The following USP28 variants were observed in gnomAD, a reference collection of about 807,000 sequenced individuals.
USP28 encodes the protein ubiquitin carboxyl-terminal hydrolase 28.
A neutral mutation model predicts 145.0 loss-of-function variants in USP28; 113 were observed. The ratio of observed to expected loss-of-function variants is 0.78; its 90% CI spans 0.67 to 0.91. The LOEUF (loss-of-function observed/expected upper bound fraction) is 0.91, where lower values mean the gene tolerates loss of function less well. USP28 is among the 40% of genes least tolerant of loss of function. The probability of loss-of-function intolerance (pLI) is 0.00; values close to 1 mark genes in which losing one functional copy is unlikely to be tolerated. For missense variants in USP28, 1,201 were observed against 1,289.6 expected (o/e 0.93, Z 1.05); for synonymous variants, 447 against 450.9 (o/e 0.99, Z 0.11).
At chr11:113,831,763 C>T (rs1367276753) in intron 8 of USP28, among the ~76,000 whole-genome samples, 157 bp downstream of exon 8, 1 of 151,408 alleles carries the variant, frequency 6.6e-6, no homozygotes, top group African/African-American at 2.4e-5. Context: ...AAGCTGAAGG[C>T]GACAGGGATA....
rs774676046 is a variant in USP28 at position 113,844,062 on chromosome 11, G to A, written c.269-2294C>T. 3.9e-5 allele frequency among the ~76,000 whole-genome samples: 6 copies of A among 152,142 alleles called. No homozygotes were observed. In the East Asian group the frequency reaches 7.7e-4, roughly 20 times the overall value. ...TCTTCATGACCTTAGATTAGGCAAC[G>A]GAATCTTAGATGACATCCAGAGCAT... On this transcript the variant is annotated intron_variant, in intron 3 of 24. Coordinates refer to ENST00000003302, the Ensembl canonical transcript of USP28.
Position 113,823,736 on chromosome 11 carries a change from T to C in USP28, c.1188-36A>G, listed in dbSNP as rs369224047. 2.0e-6 allele frequency: 3 copies of C among 1,497,230 alleles called. No homozygotes were observed. In the African/African-American group the frequency reaches 4.3e-5, roughly 21 times the overall value. 92.7% of individuals were successfully genotyped at this position (1,497,230 alleles called of 1,614,324 possible). On this transcript the variant is annotated intron_variant, in intron 11 of 24. Coordinates refer to ENST00000003302, the Ensembl canonical transcript of USP28. ...AATCCCACAAACACAATTTATATTA[T>C]AAAACATTAATGACATAAAGTCTCA...
intron 1 of USP28, among the ~76,000 whole-genome samples, chr11:113,870,870 C>CT (rs1012262698): frequency 2.6e-5 from 4 of 152,100 alleles, no homozygotes; most frequent in Non-Finnish European, 4.4e-5. Flanking sequence ...GGGTTAGAAA[C>CT]TTTGTTCCAA....
intron 1 of USP28, among the ~76,000 whole-genome samples, chr11:113,861,461 TAA>T (rs1001265584): frequency 2.6e-5 from 4 of 152,336 alleles, no homozygotes; most frequent in East Asian, 3.9e-4. Context: ...TAAAAACCAT[TAA>T]AAGTGTTTAA....
chr11:113,838,750 G>A (rs187788045), intron 5 of USP28, among the ~76,000 whole-genome samples: 13 of 152,236 alleles, frequency 8.5e-5, no homozygotes, highest in African/African-American at 2.6e-4. Context: ...CTCATGTTTT[G>A]TTTACTGTCT....
At chr11:113,873,867 GCGC>G (rs1244547728) in intron 1 of USP28, among the ~76,000 whole-genome samples, 1 of 152,232 alleles carries the variant, frequency 6.6e-6, no homozygotes, top group Non-Finnish European at 1.5e-5. Context: ...TCCAGGCTGG[GCGC>G]CCTGGTTCAC....
intron 19 of USP28, among the ~76,000 whole-genome samples, chr11:113,806,087 CCCAG>C (rs1939903642): frequency 7.6e-6 from 1 of 131,874 alleles, no homozygotes; most frequent in South Asian, 2.8e-4. Flanking sequence ...TGCTACCATG[CCCAG>C]CTAATTAAAA....
rs187384922 is a variant in USP28 at position 113,850,277 on chromosome 11, G to A, written c.268+2224C>T. 1.1e-3 allele frequency among the ~76,000 whole-genome samples: 160 copies of A among 152,030 alleles called. 2 individuals carry two copies. Among genetic ancestry groups the A allele is most frequent in the Middle Eastern group, 0.01 (3 of 294 alleles). ...AGATATATACACTAAAAAAACTCTCGCATACAAGGACAAGCAGCATGAATC... is the reference window on the plus strand; with the variant it reads ...AGATATATACACTAAAAAAACTCTCACATACAAGGACAAGCAGCATGAATC... On this transcript the variant is annotated intron_variant, in intron 3 of 24. Transcript: ENST00000003302.
At chr11:113,808,581 G>C in intron 17 of USP28, 144 bp from the exon 18 acceptor site, 1 of 822,010 alleles carries the variant, frequency 1.2e-6, no homozygotes. Context: ...ATTTTCCCTA[G>C]AAATTAATAA....
At chr11:113,850,602 A>C (rs1332640214) in intron 3 of USP28, among the ~76,000 whole-genome samples, 1 of 152,160 alleles carries the variant, frequency 6.6e-6, no homozygotes, top group Admixed American at 6.5e-5. Context: ...TTCCTCCCAG[A>C]AGGTTCCAGA....
intron 1 of USP28, among the ~76,000 whole-genome samples, chr11:113,872,385 G>A (rs1489591175): frequency 6.6e-6 from 1 of 152,082 alleles, no homozygotes; most frequent in Non-Finnish European, 1.5e-5. Context: ...TACTCAGGAG[G>A]CTGAGGCTGG....
intron 1 of USP28, among the ~76,000 whole-genome samples, chr11:113,867,033 C>T (rs1229206962): frequency 6.6e-6 from 1 of 152,008 alleles, no homozygotes; most frequent in Non-Finnish European, 1.5e-5. Context: ...ACAGATGCCA[C>T]ACATAATAGG....
chr11:113,813,841 A>G (rs1361685479), intron 15 of USP28, 44 bp downstream of exon 15: 2 of 1,502,870 alleles, frequency 1.3e-6, no homozygotes, highest in Non-Finnish European at 9.2e-7. Context: ...TGTATCTACC[A>G]TTAGCACATG....
rs1404868822 is a variant in USP28 at position 113,829,829 on chromosome 11, A to G, written c.911-484T>C. On this transcript the variant is annotated intron_variant, in intron 9 of 24. Transcript: ENST00000003302. ...AACAGAGCAAGGACTTGTCTCAAAA[A>G]AAAAAAAAAAAAAAAAATGCAAAGA... Among the ~76,000 whole-genome samples, 55 of 148,598 alleles carry G rather than the reference A, an allele frequency of 3.7e-4. 3 individuals are homozygous for G. The highest frequency in any genetic ancestry group is 1.3e-4 in the Non-Finnish European group (9 of 67,632).
chr11:113,860,716 G>A (rs999815502), intron 1 of USP28, among the ~76,000 whole-genome samples: 2 of 152,062 alleles, frequency 1.3e-5, no homozygotes, highest in Non-Finnish European at 2.9e-5. Flanking sequence ...CTACTCGGGA[G>A]GCTGAGGCAG....
chr11:113,835,628 C>T (rs1944478311), intron 5 of USP28, among the ~76,000 whole-genome samples: 1 of 152,238 alleles, frequency 6.6e-6, no homozygotes. Context: ...TTCTCTTCCA[C>T]CTCACCTGTC....
intron 16 of USP28, among the ~76,000 whole-genome samples, chr11:113,811,986 G>A (rs577487838): frequency 6.6e-6 from 1 of 152,134 alleles, no homozygotes; most frequent in Admixed American, 6.6e-5. Context: ...AAAAGGGGGA[G>A]GGGAAGATAC....
chr11:113,823,979 T>C (rs1943001175), intron 11 of USP28, among the ~76,000 whole-genome samples: 1 of 152,072 alleles, frequency 6.6e-6, no homozygotes, highest in South Asian at 2.1e-4. Flanking sequence ...TAGTAAAGAA[T>C]GAAGTAAAGC....
intron 1 of USP28, chr11:113,874,783 CCTT>C: frequency 8.9e-7 from 1 of 1,121,606 alleles, no homozygotes; most frequent in Non-Finnish European, 1.1e-6. Context: ...GATCAGAAGT[CCTT>C]ATATTGATTT....
Sources: allele counts gnomAD v4.1 joint callset (sites outside exome capture counted in the v4.1 genomes callset), GRCh38; gene constraint gnomAD v4.1.1; transcripts MANE v1.5; gene names NCBI Gene and HGNC (gene_info 2026-07-23, HGNC 2026-07-21).